The following KHNYN variants were observed in gnomAD, a reference collection of about 807,000 sequenced individuals.
The protein encoded by KHNYN is protein KHNYN.
KHNYN carries 42 observed loss-of-function variants against 62.7 expected under a neutral mutation model. The ratio of observed to expected loss-of-function variants is 0.67; its 90% CI spans 0.52 to 0.87. KHNYN has a LOEUF of 0.87. KHNYN is among the 40% of genes least tolerant of loss of function. The pLI is 0.00. For synonymous variants in KHNYN, 347 were observed against 345.6 expected, an observed-to-expected ratio of 1.00 and a Z score of -0.04; for missense variants, 829 against 874.1, an observed-to-expected ratio of 0.95 and a Z score of 0.65.
upstream of KHNYN, chr14:24,429,290 G>A (rs113588829): frequency 2.2e-3 from 1,557 of 696,684 alleles, 18 homozygotes; most frequent in African/African-American, 0.023. Flanking sequence ...GGCTTTGGGA[G>A]AGAAAGGAGG....
intron 5 of KHNYN, 93 bp from the exon 6 acceptor site, chr14:24,435,979 A>C (rs1253600477): frequency 1.1e-6 from 1 of 927,450 alleles, no homozygotes; most frequent in Non-Finnish European, 1.8e-6. Context: ...GGTGAAGTCT[A>C]GGCTTTTAAT....
chr14:24,429,782 C>CA (rs1409908382), upstream of KHNYN: 18 of 985,164 alleles, frequency 1.8e-5, no homozygotes, highest in Admixed American at 1.1e-3. Context: ...GGCCGGGAGA[C>CA]AGACGGGAGG....
At position 24,440,018 on chromosome 14, in the gene KHNYN, C is replaced by T. The variant is rs567597804; in HGVS notation, c.*2733C>T. The T allele has an allele frequency of 7.3e-7, 1 of 1,375,096 alleles. No individual in the cohort carries two copies. Among genetic ancestry groups the T allele is most frequent in the Admixed American group, 2.3e-5 (1 of 42,712 alleles). 85.2% of individuals were successfully genotyped at this position (1,375,096 alleles called of 1,614,324 possible). ...GCTTCAGCTCTCTAGAGGAGCTGAGCCTATTCACAGTGCCTAACCTGGAAG... is the reference window on the plus strand; with the variant it reads ...GCTTCAGCTCTCTAGAGGAGCTGAGTCTATTCACAGTGCCTAACCTGGAAG... On this transcript the variant is annotated 3_prime_UTR_variant, in exon 8 of 8. Transcript: ENST00000553935.
At chr14:24,427,894 C>T (rs2043036156), upstream of KHNYN, 1 of 1,614,052 alleles carries the variant, frequency 6.2e-7, no homozygotes, top group Admixed American at 1.7e-5. The surrounding 1 kb of genome is among the most constrained non-coding windows in gnomAD (Gnocchi z 4.4). Context: ...GGTCCAAGGG[C>T]AGTAGCACAG....
rs1052556311 is a variant in KHNYN at position 24,439,406 on chromosome 14, C to T, written c.*2121C>T. On this transcript the variant is annotated 3_prime_UTR_variant, in exon 8 of 8. Coordinates refer to ENST00000553935, the MANE Select transcript of KHNYN (RefSeq NM_015299.3). ...TCTGCTGCAGCCTGATAAACTGGGA[C>T]CACTGTGTGGTTAGTAATGCACTTG... is the stretch of plus-strand genomic sequence containing the variant. The T allele has an allele frequency of 1.3e-5, 2 of 152,158 alleles. No homozygotes were observed. Among genetic ancestry groups the T allele is most frequent in the Non-Finnish European group, 2.9e-5 (2 of 68,052 alleles). The allele number at this position is 152,158 out of a possible 1,614,324, so 9.4% of individuals were successfully genotyped here. A position where few individuals can be genotyped will look rare whatever the true frequency, so the allele number is the denominator to read the frequency against.
At chr14:24,434,100 A>G in intron 5 of KHNYN, 3 of 971,186 alleles carry the variant, frequency 3.1e-6, no homozygotes, top group Non-Finnish European at 3.7e-6. Context: ...TTATATCTAG[A>G]TGTCACAGAT....
chr14:24,432,053 TC>T lies in KHNYN; in HGVS notation c.795del (p.Arg266GlyfsTer37). ...VEKEGGKQGGPREMDWGWKEL... is the reference protein window; with the variant it reads ...VEKEGGKQGGXREMDWGWKEL... ...AGAAGGAGGGAGGGAAACAGGGTGG[TC>T]CCAGGGAGATGGATTGGGGGTGGAA... On this transcript the variant is annotated frameshift_variant, in exon 3 of 8. Coordinates refer to ENST00000553935, the MANE Select transcript of KHNYN (RefSeq NM_015299.3). LOFTEE classifies it high-confidence loss of function. The surrounding 1 kb of genome is among the most constrained non-coding windows in gnomAD (Gnocchi z 5.6). The T allele has an allele frequency of 1.3e-6, 2 of 1,589,124 alleles. No individual in the cohort carries two copies. Among genetic ancestry groups the T allele is most frequent in the Non-Finnish European group, 1.7e-6 (2 of 1,165,928 alleles).
upstream of KHNYN, chr14:24,427,510 T>A: frequency 2.3e-6 from 1 of 440,292 alleles, no homozygotes; most frequent in Non-Finnish European, 4.2e-6. The surrounding 1 kb of genome is among the most constrained non-coding windows in gnomAD (Gnocchi z 4.4). Flanking sequence ...CAGATCTTCC[T>A]TCTTGCCAAA....
At chr14:24,428,457 G>C (rs746703980), upstream of KHNYN, 1 of 1,602,720 alleles carries the variant, frequency 6.2e-7, no homozygotes, top group Non-Finnish European at 8.5e-7. Context: ...CCATGGCTCA[G>C]GGGTACCATG....
chr14:24,437,459 C>A lies in KHNYN; in HGVS notation c.*174C>A. 1.4e-6 allele frequency: 1 copy of A among 692,420 alleles called. No individual in the cohort carries two copies. The highest frequency in any genetic ancestry group is 2.3e-6 in the Non-Finnish European group (1 of 427,816). The allele number at this position is 692,420 out of a possible 1,614,324, so 42.9% of individuals were successfully genotyped here. Reference sequence around the variant, plus strand: ...ATAAAGTGAACTGATCTTACCGAGTCAGGACCTCAGCCAGCTCTCAAGAGG... The same window carrying A: ...ATAAAGTGAACTGATCTTACCGAGTAAGGACCTCAGCCAGCTCTCAAGAGG... On this transcript the variant is annotated 3_prime_UTR_variant, in exon 8 of 8. Transcript: ENST00000553935. The surrounding 1 kb of genome is among the most constrained non-coding windows in gnomAD (Gnocchi z 5.5).
chr14:24,429,528 C>T, upstream of KHNYN: 3 of 452,324 alleles, frequency 6.6e-6, 1 homozygote, highest in South Asian at 5.1e-5. Flanking sequence ...AACAGCCCTT[C>T]TTCGTGGCAT....
rs979286547 is a variant in KHNYN at position 24,436,425 on chromosome 14, G to A, written c.1723G>A (p.Val575Ile). ...TACCTTTGTGGGAAACCTCTTCATG[G>A]TACCTGATGACCCACTGGGGCGAAA... ...PFTFVGNLFM[V>I]PDDPLGRNGP... is the part of the protein sequence containing the mutation. Residue 575 changes from valine (V) to isoleucine (I), a missense_variant, in exon 7 of 8, where the codon GTA becomes ATA. Val to Ile is a conservative substitution (Grantham distance 29). Around this residue, in one of 2 missense-constraint regions of KHNYN, gnomAD observed 270 missense variants for 347.1 expected, o/e 0.78. Coordinates refer to ENST00000553935, the MANE Select transcript of KHNYN (RefSeq NM_015299.3). 5 of 1,613,700 alleles carry A rather than the reference G, an allele frequency of 3.1e-6. No homozygotes were observed. The African/African-American group carries it at 5.3e-5, about 17-fold the overall frequency.
chr14:24,441,623 T>G lies in KHNYN; in HGVS notation c.*4338T>G. ...GTGTGCATAGCTACAGAGGTCTGAGTTACCCCGTTCCCCTGGCGAATATAA... is the reference window on the plus strand; with the variant it reads ...GTGTGCATAGCTACAGAGGTCTGAGGTACCCCGTTCCCCTGGCGAATATAA... On this transcript the variant is annotated 3_prime_UTR_variant, in exon 8 of 8. Transcript: ENST00000553935. The G allele has an allele frequency of 6.7e-7, 1 of 1,500,270 alleles. No homozygotes were observed. The highest frequency in any genetic ancestry group is 9.0e-7 in the Non-Finnish European group (1 of 1,107,844). The allele number at this position is 1,500,270 out of a possible 1,614,324, so 92.9% of individuals were successfully genotyped here.
In KHNYN at chr14:24,432,122, C is replaced by G. The variant is rs768486086; in HGVS notation, c.861C>G (p.Leu287=). ...AGGCGTGGGAGAGAGAAGTGGCCCTCAGGCCACAGTCAGTGGGTGGAGGGG... is the reference window on the plus strand; with the variant it reads ...AGGCGTGGGAGAGAGAAGTGGCCCTGAGGCCACAGTCAGTGGGTGGAGGGG... ...GEEAWEREVA[L]RPQSVGGGAR... is the part of the protein sequence containing the mutation. Residue 287 remains leucine (L), a synonymous_variant, in exon 3 of 8, where the codon CTC becomes CTG. Coordinates refer to ENST00000553935, the MANE Select transcript of KHNYN (RefSeq NM_015299.3). This position sits in a 1 kb window ranked among gnomAD's most constrained non-coding sequence, Gnocchi z 5.6. The G allele has an allele frequency of 8.4e-6, 13 of 1,550,918 alleles. No individual in the cohort carries two copies. Among genetic ancestry groups the G allele is most frequent in the African/African-American group, 1.4e-5 (1 of 73,230 alleles).
Position 24,441,142 on chromosome 14 carries a change from G to C in KHNYN, c.*3857G>C. Reference sequence around the variant, plus strand: ...GCAGGGCTAAACTTAGAGGCTGCTAGAGTGTAGTGGTTAAGAACAGGAACT... The same window carrying C: ...GCAGGGCTAAACTTAGAGGCTGCTACAGTGTAGTGGTTAAGAACAGGAACT... On this transcript the variant is annotated 3_prime_UTR_variant, in exon 8 of 8. Coordinates refer to ENST00000553935, the MANE Select transcript of KHNYN (RefSeq NM_015299.3). 1 of 662,290 alleles carries C rather than the reference G, an allele frequency of 1.5e-6. No individual in the cohort carries two copies. Among genetic ancestry groups the C allele is most frequent in the South Asian group, 1.6e-5 (1 of 63,672 alleles). 41.0% of individuals were successfully genotyped at this position (662,290 alleles called of 1,614,324 possible). A position where few individuals can be genotyped will look rare whatever the true frequency, so the allele number is the denominator to read the frequency against.
chr14:24,432,943 C>A lies in KHNYN; in HGVS notation c.1488C>A (p.His496Gln). ...FSKDAKVRES[H>Q]FLQKLYSLSL... Reference sequence around the variant, plus strand: ...TATGTTCTTTTTCAATAGAGAGTCACTTCCTGCAAAAGCTGTATTCCCTCA... The same window carrying A: ...TATGTTCTTTTTCAATAGAGAGTCAATTCCTGCAAAAGCTGTATTCCCTCA... The change falls in exon 5 of 8, where the codon CAC becomes CAA. Residue 496 changes from histidine (H) to glutamine (Q), a missense_variant. Physicochemically the swap from His to Gln is conservative, Grantham distance 24. Coordinates refer to ENST00000553935, the MANE Select transcript of KHNYN (RefSeq NM_015299.3). This position sits in a 1 kb window ranked among gnomAD's most constrained non-coding sequence, Gnocchi z 5.6. 1 of 1,614,228 alleles carries A rather than the reference C, an allele frequency of 6.2e-7. No homozygotes were observed. Among genetic ancestry groups the A allele is most frequent in the Non-Finnish European group, 8.5e-7 (1 of 1,180,034 alleles).
chr14:24,428,706 G>A (rs1400700839), upstream of KHNYN: 81 of 1,520,286 alleles, frequency 5.3e-5, no homozygotes, highest in Non-Finnish European at 6.7e-5. Context: ...TTGCTTCCAG[G>A]TCCTTGCAGG....
rs191524315 is a variant in KHNYN, at chr14:24,432,887, G to A, written c.1480+35G>A. The A allele has an allele frequency of 1.8e-4, 283 of 1,614,204 alleles. No homozygotes were observed. Among genetic ancestry groups the A allele is most frequent in the Non-Finnish European group, 2.2e-4 (265 of 1,180,026 alleles). On this transcript the variant is annotated intron_variant, in intron 4 of 7. Transcript: ENST00000553935. This position sits in a 1 kb window ranked among gnomAD's most constrained non-coding sequence, Gnocchi z 5.6. ...GCCTGGTCTTCAGTGTCCCAGGATA[G>A]GCTCTGTTTCCACTTTGAGGAGAAC...
chr14:24,431,793 G>T lies in KHNYN; in HGVS notation c.532G>T (p.Ala178Ser). Reference sequence around the variant, plus strand: ...GTCCCCGGGGGATGCCCATAGAGAGGCTCTGTTGCAGTTGCCCCTGGCTGT... The same window carrying T: ...GTCCCCGGGGGATGCCCATAGAGAGTCTCTGTTGCAGTTGCCCCTGGCTGT... ...LQSPGDAHREALLQLPLAVQE... is the reference protein window; with the variant it reads ...LQSPGDAHRESLLQLPLAVQE... The change falls in exon 3 of 8, where the codon GCT becomes TCT. Residue 178 changes from alanine to serine, a missense_variant. This residue lies in a region of KHNYN where 559 missense variants were observed against 527.0 expected (regional missense o/e 1.06). Transcript: ENST00000553935. The T allele has an allele frequency of 6.2e-7, 1 of 1,614,094 alleles. No individual in the cohort carries two copies. The highest frequency in any genetic ancestry group is 8.5e-7 in the Non-Finnish European group (1 of 1,180,038).
Sources: gnomAD v4.1 joint callset for allele counts on GRCh38, gnomAD v4.1.1 for gene constraint, gnomAD v4.1.1 regional missense constraint, Gnocchi (gnomAD v3.1) non-coding constraint, MANE v1.5 for transcripts, NCBI Gene and HGNC (gene_info 2026-07-23, HGNC 2026-07-21) for gene names.